The following LAMC1 variants were observed in gnomAD, a reference collection of about 807,000 sequenced individuals.
The protein encoded by LAMC1 is laminin subunit gamma-1.
Under a neutral mutation model 173.6 loss-of-function variants are expected in LAMC1, and 38 were observed. That is an observed-to-expected ratio of 0.22 (90% CI 0.17 to 0.29). The LOEUF (loss-of-function observed/expected upper bound fraction) is 0.29. Among genes scored for constraint, LAMC1 ranks in the 10% least tolerant of loss-of-function variants. The pLI is 1.00. For synonymous variants in LAMC1, 746 were observed against 749.1 expected (o/e 1.00, Z 0.07); for missense variants, 1,824 against 2,051.8 (o/e 0.89, Z 2.14).
In LAMC1 at chr1:183,145,558, A is replaced by T. The variant is rs1657234894; in HGVS notation, c.*2768A>T. 6.6e-6 allele frequency: 1 copy of T among 152,428 alleles called. No homozygotes were observed. The highest frequency in any genetic ancestry group is 2.1e-4 in the South Asian group (1 of 4,828). 9.4% of individuals were successfully genotyped at this position (152,428 alleles called of 1,614,324 possible). ...TATGTTTTAAGAAAAACAGTATTTTATTTATAATAAAATCTGAATATTTGT... is the reference window on the plus strand; with the variant it reads ...TATGTTTTAAGAAAAACAGTATTTTTTTTATAATAAAATCTGAATATTTGT... On this transcript the variant is annotated 3_prime_UTR_variant, in exon 28 of 28. Coordinates refer to ENST00000258341, the MANE Select transcript of LAMC1 (RefSeq NM_002293.4).
At position 183,117,519 on chromosome 1, in the gene LAMC1, G is replaced by C. The variant is rs1161537489; in HGVS notation, c.1688-15G>C. 6.2e-7 allele frequency: 1 copy of C among 1,613,126 alleles called. No homozygotes were observed. Among genetic ancestry groups the C allele is most frequent in the African/African-American group, 1.3e-5 (1 of 74,920 alleles). On this transcript the variant is annotated splice_polypyrimidine_tract_variant and intron_variant, in intron 9 of 27. Coordinates refer to ENST00000258341, the MANE Select transcript of LAMC1 (RefSeq NM_002293.4). ...CAGTCTCACATTCTTGCCCACCATT[G>C]TGTCTGTATTCCAGCAAAGTTCTTG...
At chr1:183,045,347 C>T (rs187186716) in intron 1 of LAMC1, among the ~76,000 whole-genome samples, 45 of 152,112 alleles carry the variant, frequency 3.0e-4, no homozygotes, top group African/African-American at 1.0e-3. Context: ...CCCCAGGTAT[C>T]TACTACCATG....
Position 183,144,488 on chromosome 1 carries a change from C to T in LAMC1, c.*1698C>T, listed in dbSNP as rs1444283057. ...AAAGAATTGTGCCTTGTGTTTGCAGCATCTCCATTCTCTAAAATTAATATA... is the reference window on the plus strand; with the variant it reads ...AAAGAATTGTGCCTTGTGTTTGCAGTATCTCCATTCTCTAAAATTAATATA... On this transcript the variant is annotated 3_prime_UTR_variant, in exon 28 of 28. Coordinates refer to ENST00000258341, the MANE Select transcript of LAMC1 (RefSeq NM_002293.4). The T allele has an allele frequency of 2.6e-5, 4 of 152,492 alleles. No individual in the cohort carries two copies. The highest frequency in any genetic ancestry group is 7.2e-5 in the African/African-American group (3 of 41,432). The allele number at this position is 152,492 out of a possible 1,614,324, so 9.4% of individuals were successfully genotyped here. A position where few individuals can be genotyped will look rare whatever the true frequency, so the allele number is the denominator to read the frequency against.
At chr1:183,055,987 T>C (rs930765917) in intron 1 of LAMC1, among the ~76,000 whole-genome samples, 1 of 152,210 alleles carries the variant, frequency 6.6e-6, no homozygotes, top group Non-Finnish European at 1.5e-5. Context: ...AAAAAGTGTC[T>C]TGTGTATGGA....
intron 1 of LAMC1, among the ~76,000 whole-genome samples, chr1:183,079,181 T>C (rs1225421246): frequency 1.3e-5 from 2 of 150,044 alleles, no homozygotes; most frequent in Non-Finnish European, 1.5e-5. Flanking sequence ...TGTTCAACTT[T>C]CATTTGTTCC....
chr1:183,098,165 C>G (rs1004260272), intron 1 of LAMC1, among the ~76,000 whole-genome samples: 2 of 152,102 alleles, frequency 1.3e-5, no homozygotes, highest in African/African-American at 4.8e-5. Context: ...ATTCATCTAC[C>G]TGTTAACTGG....
At chr1:183,068,214 TG>T (rs1171303961) in intron 1 of LAMC1, among the ~76,000 whole-genome samples, 5 of 152,286 alleles carry the variant, frequency 3.3e-5, no homozygotes, top group African/African-American at 1.2e-4. Context: ...AACATGTTAA[TG>T]GGTTATCCAT....
chr1:183,062,414 T>G (rs1654765056), intron 1 of LAMC1, among the ~76,000 whole-genome samples: 1 of 152,156 alleles, frequency 6.6e-6, no homozygotes, highest in Non-Finnish European at 1.5e-5. Flanking sequence ...AAAGTTGTAT[T>G]AGGTGAGGTG....
chr1:183,116,767 A>G lies in LAMC1; in HGVS notation c.1428A>G (p.Arg476=). 3 of 1,613,952 alleles carry G rather than the reference A, an allele frequency of 1.9e-6. No individual in the cohort carries two copies. Among genetic ancestry groups the G allele is most frequent in the Non-Finnish European group, 2.5e-6 (3 of 1,179,934 alleles). Residue 476 remains arginine, a splice_region_variant and synonymous_variant, in exon 8 of 28, where the codon AGA becomes AGG. Transcript: ENST00000258341. ...KDNVEGFNCE[R]CKPGFFNLES... is the part of the protein sequence containing the mutation. ...CTGATTGTGTCTTAATCTTTTTCAGATGCAAACCTGGATTTTTTAATCTGG... is the reference window on the plus strand; with the variant it reads ...CTGATTGTGTCTTAATCTTTTTCAGGTGCAAACCTGGATTTTTTAATCTGG...
chr1:183,027,404 C>A (rs1212375428), intron 1 of LAMC1, among the ~76,000 whole-genome samples: 1 of 152,028 alleles, frequency 6.6e-6, no homozygotes, highest in Non-Finnish European at 1.5e-5. Flanking sequence ...TTATCAGTAC[C>A]AGTGGGGTAG....
chr1:183,113,344 TAGA>T (rs1656217468), intron 4 of LAMC1, among the ~76,000 whole-genome samples: 1 of 152,168 alleles, frequency 6.6e-6, no homozygotes. Flanking sequence ...TGATTTTGGT[TAGA>T]AGAAGTCTGC....
At chr1:183,094,635 G>A (rs1655648246) in intron 1 of LAMC1, among the ~76,000 whole-genome samples, 2 of 152,182 alleles carry the variant, frequency 1.3e-5, no homozygotes, top group Admixed American at 1.3e-4. Flanking sequence ...GACCTAATGG[G>A]TGGCTGTGGT....
intron 2 of LAMC1, among the ~76,000 whole-genome samples, chr1:183,105,635 TA>T (rs5779154): frequency 9.3e-5 from 14 of 149,832 alleles, no homozygotes; most frequent in South Asian, 2.1e-4. Flanking sequence ...ACCTTGCATT[TA>T]AAAAAAAAAA....
chr1:183,073,444 T>A (rs76364618), intron 1 of LAMC1, among the ~76,000 whole-genome samples: 1 of 152,212 alleles, frequency 6.6e-6, no homozygotes, highest in Admixed American at 6.5e-5. Context: ...TTCAAAGATA[T>A]GTGGTCTGAT....
At chr1:183,035,159 A>G (rs548289536) in intron 1 of LAMC1, among the ~76,000 whole-genome samples, 66 of 152,238 alleles carry the variant, frequency 4.3e-4, no homozygotes, top group South Asian at 3.1e-3. Flanking sequence ...AGGGCTTTAC[A>G]CTTAAGAACA....
Position 183,136,429 on chromosome 1 carries a change from G to C in LAMC1, c.4158G>C (p.Glu1386Asp), listed in dbSNP as rs1176564319. Reference sequence around the variant, plus strand: ...ACGATAACAAGACGGCCGCAGAGGAGGCACTAAGGAAGATTCCTGCCATCA... The same window carrying C: ...ACGATAACAAGACGGCCGCAGAGGACGCACTAAGGAAGATTCCTGCCATCA... ...RVNDNKTAAEEALRKIPAINQ... is the reference protein window; with the variant it reads ...RVNDNKTAAEDALRKIPAINQ... Residue 1386 changes from glutamate (E) to aspartate (D), a missense_variant, in exon 25 of 28, where the codon GAG (glutamate) becomes GAC (aspartate). By Grantham distance (45) the Glu-to-Asp change is conservative. Transcript: ENST00000258341. 2 of 1,614,186 alleles carry C rather than the reference G, an allele frequency of 1.2e-6. No homozygotes were observed. Among genetic ancestry groups the C allele is most frequent in the Non-Finnish European group, 1.7e-6 (2 of 1,180,044 alleles).
At chr1:183,097,874 G>A (rs574560161) in intron 1 of LAMC1, among the ~76,000 whole-genome samples, 1 of 152,316 alleles carries the variant, frequency 6.6e-6, no homozygotes, top group East Asian at 1.9e-4. Flanking sequence ...GGCAGGGGGA[G>A]GAAGAGGGGC....
chr1:183,079,231 G>GTTTTTTTTTTT (rs1262239438), intron 1 of LAMC1, among the ~76,000 whole-genome samples: 1 of 95,676 alleles, frequency 1.0e-5, no homozygotes, highest in African/African-American at 4.0e-5. Flanking sequence ...TCTCTAATCT[G>GTTTTTTTTTTT]GTTTTTTTTT....
intron 1 of LAMC1, among the ~76,000 whole-genome samples, chr1:183,089,158 A>G (rs1655504978): frequency 6.6e-6 from 1 of 152,232 alleles, no homozygotes; most frequent in African/African-American, 2.4e-5. Flanking sequence ...AGAGAGCCAG[A>G]AAGGACTTTG....
Sources: allele counts gnomAD v4.1 joint callset (sites outside exome capture counted in the v4.1 genomes callset), GRCh38; gene constraint gnomAD v4.1.1; transcripts MANE v1.5; gene names NCBI Gene and HGNC (gene_info 2026-07-23, HGNC 2026-07-21).